The following ZNF469 variants were observed in gnomAD, a reference collection of about 807,000 sequenced individuals.
The protein encoded by ZNF469 is zinc finger protein 469.
ZNF469 carries 1 observed loss-of-function variant against 1.0 expected under a neutral mutation model. That is an observed-to-expected ratio of 1.00 (90% confidence interval 0.35 to 4.73). The LOEUF is 4.73. ZNF469 is among the 30% of genes most tolerant of loss of function. The pLI is 0.16. For synonymous variants in ZNF469, 2,703 were observed against 2,363.4 expected, an observed-to-expected ratio of 1.14 and a Z score of -4.17; for missense variants, 6,100 against 5,356.3, an observed-to-expected ratio of 1.14 and a Z score of -4.33.
chr16:88,113,701 G>C, the ZNF469 span, among the ~76,000 whole-genome samples: 1 of 152,220 alleles, frequency 6.6e-6, no homozygotes, highest in African/African-American at 2.4e-5. Flanking sequence ...CGGGTAACAA[G>C]TGGCCCCTCT....
At chr16:88,104,418 G>A in the ZNF469 span, among the ~76,000 whole-genome samples, 16 of 151,886 alleles carry the variant, frequency 1.1e-4, no homozygotes, top group Admixed American at 9.2e-4. Flanking sequence ...GCCTCTCGCC[G>A]GCCCCTTGCA....
chr16:88,119,369 TG>T, the ZNF469 span, among the ~76,000 whole-genome samples: 13 of 152,220 alleles, frequency 8.5e-5, no homozygotes, highest in Admixed American at 2.0e-4. Context: ...CCGCAGCCTG[TG>T]GTGCACGTGC....
At chr16:88,169,656 G>A in the ZNF469 span, among the ~76,000 whole-genome samples, 182 of 152,360 alleles carry the variant, frequency 1.2e-3, 1 homozygote, top group Non-Finnish European at 1.9e-3. The surrounding 1 kb of genome is among the most constrained non-coding windows in gnomAD (Gnocchi z 6.1). Context: ...ACACAGAGCT[G>A]CTGTGAGCCT....
At chr16:88,154,883 C>A in the ZNF469 span, among the ~76,000 whole-genome samples, 6 of 152,232 alleles carry the variant, frequency 3.9e-5, no homozygotes, top group African/African-American at 1.4e-4. Flanking sequence ...CCTCACTAAC[C>A]TGGCTTCTGA....
In ZNF469 at chr16:88,427,842, C is replaced by A; in HGVS notation, c.372C>A (p.Ile124=). The A allele has an allele frequency of 6.5e-7, 1 of 1,549,140 alleles. No homozygotes were observed. Among genetic ancestry groups the A allele is most frequent in the Non-Finnish European group, 8.7e-7 (1 of 1,146,808 alleles). The stretch of plus-strand genomic sequence containing the variant: ...CCCCACAGCGCTACATTCTGGGCAT[C>A]GCCAGCTCGAGGACCAAGCCCACCC... ...GSPPQRYILG[I]ASSRTKPTLD... is the part of the protein sequence containing the mutation. The change falls in exon 3 of 3, where the codon ATC becomes ATA. Residue 124 remains isoleucine, a synonymous_variant. Transcript: ENST00000565624.
chr16:88,270,976 G>A, the ZNF469 span, among the ~76,000 whole-genome samples: 2 of 152,324 alleles, frequency 1.3e-5, no homozygotes, highest in South Asian at 2.1e-4. Flanking sequence ...GAGGATTCAC[G>A]GCCGGTCCAC....
rs767349224 is a variant in ZNF469 at position 88,439,049 on chromosome 16, C to A, written c.11579C>A (p.Thr3860Asn). The A allele has an allele frequency of 6.4e-7, 1 of 1,550,532 alleles. No individual in the cohort carries two copies. Among genetic ancestry groups the A allele is most frequent in the South Asian group, 1.2e-5 (1 of 84,062 alleles). ...KQATPSRVLP[T>N]KPKPNSQNKP... ...GCAACTCCCAGCCGCGTGCTCCCGA[C>A]CAAGCCCAAGCCCAACAGCCAGAAC... Residue 3860 changes from threonine to asparagine, a missense_variant, in exon 3 of 3, where the codon ACC (threonine) becomes AAC (asparagine). Thr to Asn is a moderately conservative substitution (Grantham distance 65). Coordinates refer to ENST00000565624, the MANE Select transcript of ZNF469 (RefSeq NM_001367624.2).
chr16:88,256,859 T>TC, the ZNF469 span, among the ~76,000 whole-genome samples: 1 of 150,296 alleles, frequency 6.7e-6, no homozygotes, highest in Admixed American at 6.7e-5. Flanking sequence ...TTCCTTCCTT[T>TC]TTCCTTCCTT....
chr16:88,343,512 C>T, the ZNF469 span, among the ~76,000 whole-genome samples: 3 of 152,162 alleles, frequency 2.0e-5, no homozygotes, highest in Non-Finnish European at 4.4e-5. Flanking sequence ...AGCTGAATCC[C>T]TGAGCCTGGG....
At chr16:88,312,807 C>A in the ZNF469 span, among the ~76,000 whole-genome samples, 2 of 152,190 alleles carry the variant, frequency 1.3e-5, no homozygotes, top group Non-Finnish European at 2.9e-5. Flanking sequence ...TGGGTCCACC[C>A]ATCTTCATAC....
chr16:88,146,197 C>A, the ZNF469 span, among the ~76,000 whole-genome samples: 7 of 152,248 alleles, frequency 4.6e-5, no homozygotes, highest in Non-Finnish European at 7.4e-5. Context: ...CACGACCCAC[C>A]CGGGCCCAGG....
chr16:88,394,723 G>A (rs372476112), intron 1 of ZNF469, among the ~76,000 whole-genome samples: 9 of 152,336 alleles, frequency 5.9e-5, no homozygotes, highest in East Asian at 5.8e-4. Context: ...TGTTCAGAGA[G>A]TGAAAGGTGC....
At chr16:88,412,688 G>A (rs531035374) in intron 1 of ZNF469, among the ~76,000 whole-genome samples, 10 of 152,174 alleles carry the variant, frequency 6.6e-5, no homozygotes, top group South Asian at 2.1e-4. Context: ...CAATATACCC[G>A]AAAGAGCGAG....
chr16:88,290,029 C>T, the ZNF469 span, among the ~76,000 whole-genome samples: 3 of 152,188 alleles, frequency 2.0e-5, no homozygotes, highest in Non-Finnish European at 4.4e-5. Flanking sequence ...GATGTTTGTT[C>T]CCAAGTCACA....
the ZNF469 span, among the ~76,000 whole-genome samples, chr16:88,112,922 T>C: frequency 3.3e-5 from 5 of 151,916 alleles, no homozygotes; most frequent in East Asian, 1.9e-4. Context: ...GGACTACAGG[T>C]GCCCGCCACC....
At chr16:88,135,778 T>TTTTG in the ZNF469 span, among the ~76,000 whole-genome samples, 80 of 124,750 alleles carry the variant, frequency 6.4e-4, 2 homozygotes, top group Admixed American at 2.4e-3. Flanking sequence ...TTTTTTTTTT[T>TTTTG]GGGATGGAGT....
At chr16:88,333,161 G>A in the ZNF469 span, among the ~76,000 whole-genome samples, 1,091 of 152,226 alleles carry the variant, frequency 7.2e-3, 12 homozygotes, top group African/African-American at 0.025. Context: ...CACATCCACC[G>A]TCCATCCGTG....
intron 1 of ZNF469, among the ~76,000 whole-genome samples, chr16:88,386,900 CTCA>C (rs1904344776): frequency 1.3e-5 from 2 of 152,318 alleles, no homozygotes; most frequent in African/African-American, 4.8e-5. Flanking sequence ...CCTCCCCGTG[CTCA>C]TCATTTGCCA....
chr16:88,302,264 A>C, the ZNF469 span, among the ~76,000 whole-genome samples: 12 of 152,334 alleles, frequency 7.9e-5, no homozygotes, highest in African/African-American at 2.6e-4. Flanking sequence ...TCAGCCTCTT[A>C]TGAAACAATT....
Sources: allele counts gnomAD v4.1 joint callset (sites outside exome capture counted in the v4.1 genomes callset), GRCh38; gene constraint gnomAD v4.1.1; non-coding constraint Gnocchi (gnomAD v3.1); transcripts MANE v1.5; gene names NCBI Gene and HGNC (gene_info 2026-07-23, HGNC 2026-07-21).